CACNG2: variants seen among roughly 807,000 people sequenced by gnomAD.
The protein encoded by CACNG2 is voltage-dependent calcium channel gamma-2 subunit.
In CACNG2, 3 loss-of-function variants were observed where a neutral mutation model predicts 25.9. That is an observed-to-expected ratio of 0.12 (90% CI 0.05 to 0.30). The LOEUF (loss-of-function observed/expected upper bound fraction) is 0.30. Among genes scored for constraint, CACNG2 ranks in the 10% least tolerant of loss-of-function variants. The pLI is 1.00. For missense variants in CACNG2, 341 were observed against 432.5 expected (o/e 0.79, Z 1.88); for synonymous variants, 167 against 173.3 (o/e 0.96, Z 0.29).
chr22:36,584,190 G>C (rs894508096), intron 2 of CACNG2, among the ~76,000 whole-genome samples: 1 of 152,212 alleles, frequency 6.6e-6, no homozygotes, highest in South Asian at 2.1e-4. Context: ...GGTGGCTCAC[G>C]CCTGTAATCC....
At chr22:36,565,474 T>C (rs1171458149) in intron 3 of CACNG2, among the ~76,000 whole-genome samples, 3 of 151,670 alleles carry the variant, frequency 2.0e-5, no homozygotes, top group African/African-American at 7.3e-5. Flanking sequence ...TCTTAGATGT[T>C]GGTGGTTCCT....
At chr22:36,586,225 C>T (rs1935500334) in intron 2 of CACNG2, among the ~76,000 whole-genome samples, 1 of 152,250 alleles carries the variant, frequency 6.6e-6, no homozygotes, top group Admixed American at 6.5e-5. Flanking sequence ...AGCACAGGAT[C>T]CAGCACACAG....
chr22:36,679,193 C>CTTTCTTTCTTTCTTTCTTTCTTT lies in CACNG2; in HGVS notation c.211+23172_211+23173insAAAGAAAGAAAGAAAGAAAGAAA, dbSNP rs1569049850. ...TCCTTCCTTCCTTCCTTCCTTCCTT[C>CTTTCTTTCTTTCTTTCTTTCTTT]CTTCCTTTCTTTCTTTCTTTCTTTC... On this transcript the variant is annotated intron_variant, in intron 1 of 3. Coordinates refer to ENST00000300105, the MANE Select transcript of CACNG2 (RefSeq NM_006078.5). 7.3e-4 allele frequency among the ~76,000 whole-genome samples: 36 copies of CTTTCTTTCTTTCTTTCTTTCTTT among 49,244 alleles called. 1 individual carries two copies. The highest frequency in any genetic ancestry group is 3.0e-3 in the African/African-American group (35 of 11,862). 32.3% of individuals were successfully genotyped at this position (49,244 alleles called of 152,430 possible).
intron 1 of CACNG2, among the ~76,000 whole-genome samples, chr22:36,684,013 A>G (rs1434047928): frequency 6.6e-6 from 1 of 152,088 alleles, no homozygotes; most frequent in Non-Finnish European, 1.5e-5. Flanking sequence ...TTCACTTTCT[A>G]TGTCAGTGTC....
chr22:36,658,618 G>A (rs74916398), intron 1 of CACNG2, among the ~76,000 whole-genome samples: 3,064 of 152,216 alleles, frequency 0.02, 56 homozygotes, highest in Non-Finnish European at 0.031. Context: ...AATTCCTTCC[G>A]TCCTTTATTC....
intron 1 of CACNG2, among the ~76,000 whole-genome samples, chr22:36,614,757 A>T (rs115456620): frequency 0.013 from 2,001 of 152,300 alleles, 45 homozygotes; most frequent in African/African-American, 0.045. Context: ...AGGGAAGAGA[A>T]CACACCTATT....
chr22:36,578,236 G>A (rs542823980), intron 2 of CACNG2, among the ~76,000 whole-genome samples: 108 of 151,916 alleles, frequency 7.1e-4, no homozygotes, highest in African/African-American at 2.4e-3. Flanking sequence ...GTGTGATGGC[G>A]TGCACCTGTA....
At chr22:36,603,250 T>TTTTA (rs1020615717) in intron 1 of CACNG2, among the ~76,000 whole-genome samples, 12 of 152,140 alleles carry the variant, frequency 7.9e-5, no homozygotes, top group Non-Finnish European at 1.2e-4. Context: ...AGGCCCTAAC[T>TTTTA]CTCTTCAATT....
chr22:36,589,230 T>A (rs991160888), intron 1 of CACNG2, among the ~76,000 whole-genome samples: 18 of 152,188 alleles, frequency 1.2e-4, no homozygotes, highest in Admixed American at 2.6e-4. Context: ...CTTCAAGTGA[T>A]CTGCCTGCCT....
At chr22:36,675,309 G>A (rs1490907241) in intron 1 of CACNG2, among the ~76,000 whole-genome samples, 1 of 152,020 alleles carries the variant, frequency 6.6e-6, no homozygotes, top group African/African-American at 2.4e-5. Context: ...TCCCCAAAGT[G>A]ATGGGATTAC....
chr22:36,603,451 A>T (rs1935783324), intron 1 of CACNG2, among the ~76,000 whole-genome samples: 1 of 152,238 alleles, frequency 6.6e-6, no homozygotes, highest in African/African-American at 2.4e-5. Flanking sequence ...AGGTGGCCAC[A>T]CTAAACAACA....
At chr22:36,567,840 T>G (rs117543814) in intron 2 of CACNG2, among the ~76,000 whole-genome samples, 5,449 of 151,482 alleles carry the variant, frequency 0.036, 148 homozygotes, top group Middle Eastern at 0.068. Context: ...TGAGGGAAAA[T>G]ATGTCTTCTT....
At chr22:36,691,041 T>C (rs1192685645) in intron 1 of CACNG2, among the ~76,000 whole-genome samples, 1 of 152,238 alleles carries the variant, frequency 6.6e-6, no homozygotes, top group East Asian at 1.9e-4. Context: ...ACTTCATGCT[T>C]GTTCACACCT....
In CACNG2 at chr22:36,683,835, G is replaced by T. The variant is rs968176347; in HGVS notation, c.211+18531C>A. On this transcript the variant is annotated intron_variant, in intron 1 of 3. Transcript: ENST00000300105. ...AATCAGTGTGTCAACAAGGGAGGCA[G>T]CATCTCTCTCTCTCTCCACCCCCCG... Among the ~76,000 whole-genome samples the T allele has an allele frequency of 8.5e-5, 13 of 152,112 alleles. No homozygotes were observed. In the East Asian group the frequency reaches 2.5e-3, roughly 29 times the overall value.
chr22:36,646,321 A>G, intron 1 of CACNG2, among the ~76,000 whole-genome samples: 1 of 152,192 alleles, frequency 6.6e-6, no homozygotes, highest in East Asian at 1.9e-4. Context: ...GGCATACTAA[A>G]AAAAAAGTTC....
chr22:36,696,613 C>T (rs1421282596), intron 1 of CACNG2, among the ~76,000 whole-genome samples: 1 of 152,160 alleles, frequency 6.6e-6, no homozygotes, highest in Non-Finnish European at 1.5e-5. Flanking sequence ...AATCCCTGCC[C>T]TCATGGAGCT....
In CACNG2 at chr22:36,564,571, T is replaced by C; in HGVS notation, c.752A>G (p.Asp251Gly). The change falls in exon 4 of 4, where the codon GAC becomes GGC. Residue 251 changes from aspartate to glycine, a missense_variant. Physicochemically the swap from Asp to Gly is moderately conservative, Grantham distance 94. Transcript: ENST00000300105. This position sits in a 1 kb window ranked among gnomAD's most constrained non-coding sequence, Gnocchi z 6.7. ...GCCCTTGATGCCCACGGGGGAGGCG[T>C]CCCTGGAGTGTGAGGGCTCCGTGGA... is the stretch of plus-strand genomic sequence containing the variant. ...SRSTEPSHSR[D>G]ASPVGIKGFN... 1.2e-6 allele frequency: 2 copies of C among 1,613,948 alleles called. No homozygotes were observed. The highest frequency in any genetic ancestry group is 1.1e-5 in the South Asian group (1 of 91,060).
rs1935078470 is a variant in CACNG2 at position 36,564,104 on chromosome 22, C to T, written c.*247G>A. On this transcript the variant is annotated 3_prime_UTR_variant, in exon 4 of 4. Transcript: ENST00000300105. The surrounding 1 kb of genome is among the most constrained non-coding windows in gnomAD (Gnocchi z 6.7). ...TGTTTTCTTCCCTCGTTTATATTTT[C>T]CCACATTTCCTGTTGTTTTGCTTCT... 2.7e-6 allele frequency: 1 copy of T among 367,202 alleles called. No individual in the cohort carries two copies. The highest frequency in any genetic ancestry group is 4.8e-6 in the Non-Finnish European group (1 of 206,788). 22.7% of individuals were successfully genotyped at this position (367,202 alleles called of 1,614,324 possible). A position where few individuals can be genotyped will look rare whatever the true frequency, so the allele number is the denominator to read the frequency against.
rs753303377 is a variant in CACNG2, at chr22:36,564,839, C to T, written c.484G>A (p.Gly162Arg). Residue 162 changes from glycine to arginine, a missense_variant, in exon 4 of 4, where the codon GGA (glycine) becomes AGA (arginine). Coordinates refer to ENST00000300105, the MANE Select transcript of CACNG2 (RefSeq NM_006078.5). This position sits in a 1 kb window ranked among gnomAD's most constrained non-coding sequence, Gnocchi z 6.7. ...GIIVYISANA[G>R]DPSKSDSKKN... ...TTGGAGTCGCTCTTGGAGGGGTCTC[C>T]GGCATTGGCAGATATGTACACTATG... 1.4e-5 allele frequency: 23 copies of T among 1,613,902 alleles called. No individual in the cohort carries two copies. Among genetic ancestry groups the T allele is most frequent in the East Asian group, 2.2e-5 (1 of 44,866 alleles).
Sources: allele counts gnomAD v4.1 joint callset (sites outside exome capture counted in the v4.1 genomes callset), GRCh38; gene constraint gnomAD v4.1.1; non-coding constraint Gnocchi (gnomAD v3.1); transcripts MANE v1.5; gene names NCBI Gene and HGNC (gene_info 2026-07-23, HGNC 2026-07-21).